Variants in LRRIQ1 observed in about 807,000 individuals in gnomAD.
The protein encoded by LRRIQ1 is leucine-rich repeat- and IQ domain-containing protein 1.
A neutral mutation model predicts 211.9 loss-of-function variants in LRRIQ1; 210 were observed. The observed-to-expected ratio is 0.99, with a 90% CI of 0.89 to 1.11. The LOEUF (loss-of-function observed/expected upper bound fraction) is 1.11. LRRIQ1 is among the 50% of genes most tolerant of loss of function. The pLI is 0.00. For missense variants in LRRIQ1, 2,136 were observed against 1,939.5 expected, an observed-to-expected ratio of 1.10 and a Z score of -1.90; for synonymous variants, 699 against 650.1, an observed-to-expected ratio of 1.08 and a Z score of -1.14.
At chr12:85,089,934 G>GA (rs1885207220) in intron 11 of LRRIQ1, among the ~76,000 whole-genome samples, 1 of 152,170 alleles carries the variant, frequency 6.6e-6, no homozygotes, top group African/African-American at 2.4e-5. Context: ...AAAAAGCTAC[G>GA]AAGGCATTAC....
At chr12:85,131,863 A>G (rs931445219) in intron 18 of LRRIQ1, among the ~76,000 whole-genome samples, 2 of 152,208 alleles carry the variant, frequency 1.3e-5, no homozygotes. Flanking sequence ...ATAGATTACT[A>G]GGATAAAAAT....
intron 15 of LRRIQ1, among the ~76,000 whole-genome samples, chr12:85,117,519 T>A (rs1289559905): frequency 6.6e-6 from 1 of 152,208 alleles, no homozygotes; most frequent in Non-Finnish European, 1.5e-5. Flanking sequence ...GACTAGAACA[T>A]GACTTTGGCA....
chr12:85,214,603 T>G (rs1029562688), intron 24 of LRRIQ1, among the ~76,000 whole-genome samples: 3 of 152,074 alleles, frequency 2.0e-5, no homozygotes, highest in African/African-American at 7.2e-5. Context: ...TAATGTTTAG[T>G]TGATATTGTT....
intron 7 of LRRIQ1, among the ~76,000 whole-genome samples, chr12:85,055,132 T>TA (rs1880825823): frequency 2.0e-5 from 3 of 152,144 alleles, no homozygotes; most frequent in Admixed American, 2.0e-4. Context: ...GCAGTCTCAA[T>TA]ACTAGCTCTG....
intron 24 of LRRIQ1, among the ~76,000 whole-genome samples, chr12:85,204,370 G>A (rs564085838): frequency 6.6e-6 from 1 of 152,280 alleles, no homozygotes; most frequent in East Asian, 1.9e-4. Context: ...CCCCTACTGG[G>A]GCACCACCTA....
intron 24 of LRRIQ1, among the ~76,000 whole-genome samples, chr12:85,178,719 C>T (rs1022869779): frequency 4.0e-5 from 6 of 151,858 alleles, no homozygotes; most frequent in Admixed American, 2.6e-4. Context: ...TAATTATCTT[C>T]TCCATCTATT....
chr12:85,115,044 A>G (rs1402967780), intron 15 of LRRIQ1, among the ~76,000 whole-genome samples: 2 of 152,222 alleles, frequency 1.3e-5, no homozygotes, highest in Non-Finnish European at 2.9e-5. Context: ...CTTAATCCAT[A>G]GACTCAGTTT....
chr12:85,232,675 T>C (rs1374147406), intron 25 of LRRIQ1, 21 bp from the exon 26 acceptor site: 2 of 1,595,396 alleles, frequency 1.3e-6, no homozygotes, highest in East Asian at 2.2e-5. Context: ...TAAAATACTT[T>C]CTGTTTTTGT....
At chr12:85,250,611 G>A (rs1416206319) in intron 1 of LRRIQ1, among the ~76,000 whole-genome samples, 2 of 149,184 alleles carry the variant, frequency 1.3e-5, no homozygotes, top group African/African-American at 4.9e-5. Context: ...GTGGTTCTGT[G>A]CACCTGTAGT....
chr12:85,095,073 T>A (rs1341342202), intron 11 of LRRIQ1, among the ~76,000 whole-genome samples: 2 of 151,976 alleles, frequency 1.3e-5, no homozygotes, highest in African/African-American at 4.8e-5. Context: ...AGTGAGGTAT[T>A]TTACTTCTTT....
chr12:85,061,043 A>C (rs2136025569), intron 8 of LRRIQ1, among the ~76,000 whole-genome samples: 2 of 152,006 alleles, frequency 1.3e-5, no homozygotes, highest in Middle Eastern at 6.8e-3. Flanking sequence ...TAACTTTTTC[A>C]AATGTTTTTA....
At chr12:85,134,870 A>C (rs1322452435) in intron 18 of LRRIQ1, among the ~76,000 whole-genome samples, 1 of 151,986 alleles carries the variant, frequency 6.6e-6, no homozygotes, top group African/African-American at 2.4e-5. Context: ...ACCCATTCAC[A>C]TCTACCTCCT....
Position 85,124,385 on chromosome 12 carries a change from G to A in LRRIQ1, c.3873G>A (p.Gln1291=). 1 of 1,614,024 alleles carries A rather than the reference G, an allele frequency of 6.2e-7. No homozygotes were observed. The change falls in exon 17 of 27, where the codon CAG becomes CAA. Residue 1291 remains glutamine (Q), a synonymous_variant. Transcript: ENST00000393217. ...GTGAAAATATGGAAGGAAGACATCAGGAAATATTAGTATGTCAGAAGAGAG... is the reference window on the plus strand; with the variant it reads ...GTGAAAATATGGAAGGAAGACATCAAGAAATATTAGTATGTCAGAAGAGAG... ...ATCENMEGRH[Q]EILVCQKRED... is the part of the protein sequence containing the mutation.
intron 18 of LRRIQ1, among the ~76,000 whole-genome samples, chr12:85,131,453 T>C (rs1182577025): frequency 6.6e-6 from 1 of 152,134 alleles, no homozygotes; most frequent in Non-Finnish European, 1.5e-5. Context: ...TACTCTGTTA[T>C]AGCACTTACC....
At chr12:85,073,479 A>G (rs1883313933) in intron 11 of LRRIQ1, among the ~76,000 whole-genome samples, 1 of 152,084 alleles carries the variant, frequency 6.6e-6, no homozygotes. Flanking sequence ...ATTGGCACAC[A>G]CTGAAGCAAA....
chr12:85,094,909 G>A (rs1217791009), intron 11 of LRRIQ1, among the ~76,000 whole-genome samples: 7 of 151,860 alleles, frequency 4.6e-5, no homozygotes, highest in Admixed American at 6.6e-5. Flanking sequence ...TCTTGATAGG[G>A]CTCTCAGCTT....
chr12:85,161,079 A>G (rs1890848332), intron 24 of LRRIQ1, among the ~76,000 whole-genome samples: 1 of 152,100 alleles, frequency 6.6e-6, no homozygotes, highest in Non-Finnish European at 1.5e-5. Context: ...TATTCTGTTT[A>G]CTGCCAATTT....
intron 1 of LRRIQ1, among the ~76,000 whole-genome samples, chr12:85,260,425 ATACT>A (rs1289601146): frequency 4.7e-5 from 7 of 148,788 alleles, no homozygotes; most frequent in South Asian, 2.1e-4. Context: ...TTTAAAATAC[ATACT>A]TACTTCTACT....
chr12:85,238,113 A>G (rs948869629), intron 26 of LRRIQ1, among the ~76,000 whole-genome samples: 4 of 151,954 alleles, frequency 2.6e-5, no homozygotes, highest in African/African-American at 9.7e-5. Flanking sequence ...ACTGCAAACT[A>G]TTTCACCTTA....
Sources: allele counts gnomAD v4.1 joint callset (sites outside exome capture counted in the v4.1 genomes callset), GRCh38; gene constraint gnomAD v4.1.1; transcripts MANE v1.5; gene names NCBI Gene and HGNC (gene_info 2026-07-23, HGNC 2026-07-21).